The following HEXIM2 variants were observed in gnomAD, a reference collection of about 807,000 sequenced individuals.
The protein encoded by HEXIM2 is HEXIM P-TEFb complex subunit 2.
For synonymous variants in HEXIM2, 159 were observed against 162.7 expected (o/e 0.98, Z 0.17); for missense variants, 413 against 390.8 (o/e 1.06, Z -0.48).
chr17:45,162,481 C>T lies in HEXIM2; in HGVS notation c.-192-7C>T, dbSNP rs746542856. On this transcript the variant is annotated splice_polypyrimidine_tract_variant and splice_region_variant and intron_variant, in intron 1 of 3. Transcript: ENST00000589230. Reference sequence around the variant, plus strand: ...TGGCTGCCAACCTGGGCCTCGGTGACTTCCAGGAGGACAGTACAGGACATG... The same window carrying T: ...TGGCTGCCAACCTGGGCCTCGGTGATTTCCAGGAGGACAGTACAGGACATG... 5.1e-5 allele frequency: 58 copies of T among 1,129,106 alleles called. No homozygotes were observed. The highest frequency in any genetic ancestry group is 6.3e-5 in the Non-Finnish European group (58 of 916,694). The allele number at this position is 1,129,106 out of a possible 1,614,324, so 69.9% of individuals were successfully genotyped here. A position where few individuals can be genotyped will look rare whatever the true frequency, so the allele number is the denominator to read the frequency against.
At chr17:45,160,924 G>A, upstream of HEXIM2, 4 of 1,289,758 alleles carry the variant, frequency 3.1e-6, no homozygotes, top group Non-Finnish European at 4.0e-6. Context: ...GCGGCGAGAT[G>A]GCGCTTTGGT....
chr17:45,168,264 C>T (rs1426895909), intron 3 of HEXIM2, among the ~76,000 whole-genome samples: 5 of 149,894 alleles, frequency 3.3e-5, no homozygotes, highest in African/African-American at 1.2e-4. Flanking sequence ...GGTGGATCAC[C>T]TGAGGTCAGG....
Position 45,169,435 on chromosome 17 carries a change from G to A in HEXIM2, c.487G>A (p.Gly163Arg), listed in dbSNP as rs1205258407. Residue 163 changes from glycine (G) to arginine (R), a missense_variant, in exon 4 of 4, where the codon GGG becomes AGG. Gly to Arg is a moderately radical substitution (Grantham distance 125, BLOSUM62 -2). Transcript: ENST00000589230. ...GGAGCCCAACTTGGATGTGCCCCAT[G>A]GGATCTCCCACCCAGGTTCCAGTGG... ...PEEPNLDVPH[G>R]ISHPGSSGES... is the part of the protein sequence containing the mutation. 1 of 1,613,960 alleles carries A rather than the reference G, an allele frequency of 6.2e-7. No homozygotes were observed. Among genetic ancestry groups the A allele is most frequent in the South Asian group, 1.1e-5 (1 of 91,064 alleles).
chr17:45,169,757 A>C lies in HEXIM2; in HGVS notation c.809A>C (p.Asn270Thr). 6.8e-7 allele frequency: 1 copy of C among 1,471,278 alleles called. No homozygotes were observed. Among genetic ancestry groups the C allele is most frequent in the Non-Finnish European group, 9.0e-7 (1 of 1,110,992 alleles). The allele number at this position is 1,471,278 out of a possible 1,614,324, so 91.1% of individuals were successfully genotyped here. A position where few individuals can be genotyped will look rare whatever the true frequency, so the allele number is the denominator to read the frequency against. The stretch of plus-strand genomic sequence containing the variant: ...GAAAACCAGCGGCTTCGTCAGGAGA[A>C]CCAGATGTGGAACCGAGAGGGCTGC... ...RTENQRLRQE[N>T]QMWNREGCRC... Residue 270 changes from asparagine to threonine, a missense_variant, in exon 4 of 4, where the codon AAC (asparagine) becomes ACC (threonine). Coordinates refer to ENST00000589230, the MANE Select transcript of HEXIM2 (RefSeq NM_001303441.2).
intron 3 of HEXIM2, among the ~76,000 whole-genome samples, chr17:45,166,468 A>G (rs986427606): frequency 1.3e-5 from 2 of 152,142 alleles, no homozygotes; most frequent in African/African-American, 2.4e-5. Flanking sequence ...TCCCTATCCT[A>G]TAATCTTTAG....
chr17:45,163,897 G>C (rs981445217), intron 3 of HEXIM2, among the ~76,000 whole-genome samples: 1 of 151,718 alleles, frequency 6.6e-6, no homozygotes, highest in African/African-American at 2.4e-5. Flanking sequence ...GCTCACGCCT[G>C]TAATCCTAGC....
chr17:45,168,915 G>T lies in HEXIM2; in HGVS notation c.67-100G>T, dbSNP rs995285448. On this transcript the variant is annotated intron_variant, in intron 3 of 3. Coordinates refer to ENST00000589230, the MANE Select transcript of HEXIM2 (RefSeq NM_001303441.2). Reference sequence around the variant, plus strand: ...GGGGCTAAGAGTGACCAAGTTAGCTGAGTGTAGGAAGGTAGGCTTCAGGCT... The same window carrying T: ...GGGGCTAAGAGTGACCAAGTTAGCTTAGTGTAGGAAGGTAGGCTTCAGGCT... 4 of 1,136,146 alleles carry T rather than the reference G, an allele frequency of 3.5e-6. No homozygotes were observed. The African/African-American group carries it at 6.2e-5, about 18-fold the overall frequency. 70.4% of individuals were successfully genotyped at this position (1,136,146 alleles called of 1,614,324 possible).
Position 45,169,747 on chromosome 17 carries a change from C to T in HEXIM2, c.799C>T (p.Arg267Cys), listed in dbSNP as rs1338944053. 2 of 1,478,790 alleles carry T rather than the reference C, an allele frequency of 1.4e-6. No homozygotes were observed. The highest frequency in any genetic ancestry group is 1.3e-5 in the South Asian group (1 of 74,760). The allele number at this position is 1,478,790 out of a possible 1,614,324, so 91.6% of individuals were successfully genotyped here. A position where few individuals can be genotyped will look rare whatever the true frequency, so the allele number is the denominator to read the frequency against. The change falls in exon 4 of 4, where the codon CGT (arginine) becomes TGT (cysteine). Residue 267 changes from arginine to cysteine, a missense_variant. Coordinates refer to ENST00000589230, the MANE Select transcript of HEXIM2 (RefSeq NM_001303441.2). Reference sequence around the variant, plus strand: ...GCTCCGGACCGAAAACCAGCGGCTTCGTCAGGAGAACCAGATGTGGAACCG... The same window carrying T: ...GCTCCGGACCGAAAACCAGCGGCTTTGTCAGGAGAACCAGATGTGGAACCG... ...QRLRTENQRL[R>C]QENQMWNREG...
chr17:45,169,112 A>T lies in HEXIM2; in HGVS notation c.164A>T (p.Asp55Val). Reference protein sequence around the residue: ...LTPRMESHSEDEDLAGAVGGL... With the variant: ...LTPRMESHSEVEDLAGAVGGL... ...CCGCGGATGGAGAGCCACTCAGAGGATGAAGATCTTGCTGGGGCTGTCGGT... is the reference window on the plus strand; with the variant it reads ...CCGCGGATGGAGAGCCACTCAGAGGTTGAAGATCTTGCTGGGGCTGTCGGT... The change falls in exon 4 of 4, where the codon GAT (aspartate) becomes GTT (valine). Residue 55 changes from aspartate (D) to valine (V), a missense_variant. Asp to Val is a radical substitution (Grantham distance 152, BLOSUM62 -3). Transcript: ENST00000589230. The T allele has an allele frequency of 1.2e-6, 2 of 1,614,034 alleles. No individual in the cohort carries two copies. The highest frequency in any genetic ancestry group is 1.7e-6 in the Non-Finnish European group (2 of 1,180,020).
chr17:45,161,289 T>A (rs1305252479), upstream of HEXIM2: 2 of 313,132 alleles, frequency 6.4e-6, no homozygotes, highest in Admixed American at 8.0e-5. Flanking sequence ...GAGGCGAGGC[T>A]GCGGGGCTGC....
intron 3 of HEXIM2, among the ~76,000 whole-genome samples, chr17:45,164,464 C>A (rs1313562029): frequency 2.0e-5 from 3 of 151,044 alleles, no homozygotes; most frequent in African/African-American, 4.9e-5. Context: ...CAAAAAAAAA[C>A]CAAAAAAACA....
rs953321687 is a variant in HEXIM2, at chr17:45,169,578, G to A, written c.630G>A (p.Lys210=). 1 of 1,549,976 alleles carries A rather than the reference G, an allele frequency of 6.5e-7. No homozygotes were observed. ...FHTESLQGRS[K]QELVRDYLEL... is the part of the protein sequence containing the mutation. ...CCGAGAGCCTGCAGGGCCGCAGCAA[G>A]CAGGAGCTGGTGCGAGACTACCTGG... Residue 210 remains lysine, a synonymous_variant, in exon 4 of 4, where the codon AAG becomes AAA. Coordinates refer to ENST00000589230, the MANE Select transcript of HEXIM2 (RefSeq NM_001303441.2).
rs147464065 is a variant in HEXIM2, at chr17:45,165,037, C to T, written c.66+2178C>T. ...GCAGGTAGGGCTAGGGGGCTGGGCT[C>T]GCTTGGGTGAGGGTGGAGGATCAAT... On this transcript the variant is annotated intron_variant, in intron 3 of 3. Transcript: ENST00000589230. Among the ~76,000 whole-genome samples, 4 of 152,156 alleles carry T rather than the reference C, an allele frequency of 2.6e-5. 1 individual carries two copies. The highest frequency in any genetic ancestry group is 5.9e-5 in the Non-Finnish European group (4 of 68,004).
At chr17:45,162,913 TGA>T (rs1341330694) in intron 3 of HEXIM2, 54 bp downstream of exon 3, 1 of 1,201,278 alleles carries the variant, frequency 8.3e-7, no homozygotes, top group African/African-American at 1.5e-5. Flanking sequence ...GTCCCACAGC[TGA>T]GATCCAAACT....
Position 45,162,612 on chromosome 17 carries a change from CG to C in HEXIM2, c.-64del, listed in dbSNP as rs1567925837. Reference sequence around the variant, plus strand: ...GAAAACCAGCGGTGGAGGCAGCCTTCGGGGCCTGCATTTGAGAATAAGGGTA... The same window carrying C: ...GAAAACCAGCGGTGGAGGCAGCCTTCGGGCCTGCATTTGAGAATAAGGGTA... On this transcript the variant is annotated 5_prime_UTR_variant, in exon 2 of 4. Transcript: ENST00000589230. 1 of 1,435,498 alleles carries C rather than the reference CG, an allele frequency of 7.0e-7. No homozygotes were observed. The highest frequency in any genetic ancestry group is 1.4e-5 in the South Asian group (1 of 70,374). 88.9% of individuals were successfully genotyped at this position (1,435,498 alleles called of 1,614,324 possible).
chr17:45,169,093 A>G lies in HEXIM2; in HGVS notation c.145A>G (p.Met49Val). 6.2e-7 allele frequency: 1 copy of G among 1,613,854 alleles called. No individual in the cohort carries two copies. The highest frequency in any genetic ancestry group is 8.5e-7 in the Non-Finnish European group (1 of 1,179,950). ...SGGSLPLTPR[M>V]ESHSEDEDLA... The stretch of plus-strand genomic sequence containing the variant: ...TGGTTCCCTGCCCCTGACACCGCGG[A>G]TGGAGAGCCACTCAGAGGATGAAGA... The change falls in exon 4 of 4, where the codon ATG becomes GTG. Residue 49 changes from methionine to valine, a missense_variant. Physicochemically the swap from Met to Val is conservative, Grantham distance 21. Transcript: ENST00000589230.
rs1055935242 is a variant in HEXIM2, at chr17:45,169,250, A to G, written c.302A>G (p.His101Arg). The change falls in exon 4 of 4, where the codon CAC becomes CGC. Residue 101 changes from histidine to arginine, a missense_variant. Coordinates refer to ENST00000589230, the MANE Select transcript of HEXIM2 (RefSeq NM_001303441.2). ...CGGCGGCCATCGAAGCGCAAAAGGC[A>G]CTGGCGACCCTACCTGGAGCTGAGC... ...HRRRPSKRKRHWRPYLELSWA... is the reference protein window; with the variant it reads ...HRRRPSKRKRRWRPYLELSWA... The G allele has an allele frequency of 1.2e-6, 2 of 1,613,772 alleles. No individual in the cohort carries two copies. Among genetic ancestry groups the G allele is most frequent in the Non-Finnish European group, 1.7e-6 (2 of 1,180,036 alleles).
rs377071715 is a variant in HEXIM2 at position 45,169,570 on chromosome 17, C to A, written c.622C>A (p.Arg208Ser). ...CTTCCACACCGAGAGCCTGCAGGGC[C>A]GCAGCAAGCAGGAGCTGGTGCGAGA... ...ERFHTESLQG[R>S]SKQELVRDYL... is the part of the protein sequence containing the mutation. Residue 208 changes from arginine to serine, a missense_variant, in exon 4 of 4, where the codon CGC becomes AGC. Coordinates refer to ENST00000589230, the MANE Select transcript of HEXIM2 (RefSeq NM_001303441.2). The A allele has an allele frequency of 1.3e-6, 2 of 1,553,146 alleles. No individual in the cohort carries two copies. The highest frequency in any genetic ancestry group is 2.7e-5 in the African/African-American group (2 of 72,968).
Position 45,169,000 on chromosome 17 carries a change from C to T in HEXIM2, c.67-15C>T, listed in dbSNP as rs1315068483. ...GGCTGTCTGATCCATCCTTCTTCCTCCTCCCTCTCTTTAGACCTCTGGTGC... is the reference window on the plus strand; with the variant it reads ...GGCTGTCTGATCCATCCTTCTTCCTTCTCCCTCTCTTTAGACCTCTGGTGC... On this transcript the variant is annotated splice_polypyrimidine_tract_variant and intron_variant, in intron 3 of 3. Transcript: ENST00000589230. 1.9e-6 allele frequency: 3 copies of T among 1,583,862 alleles called. No individual in the cohort carries two copies. Among genetic ancestry groups the T allele is most frequent in the Admixed American group, 3.5e-5 (2 of 56,676 alleles).
Sources: allele counts gnomAD v4.1 joint callset (sites outside exome capture counted in the v4.1 genomes callset), GRCh38; gene constraint gnomAD v4.1.1; transcripts MANE v1.5; gene names NCBI Gene and HGNC (gene_info 2026-07-23, HGNC 2026-07-21).